POLE2: variants seen among roughly 807,000 people sequenced by gnomAD.
POLE2 encodes the protein DNA polymerase epsilon 2, accessory subunit, also known as DNA polymerase epsilon subunit 2.
A neutral mutation model predicts 79.4 loss-of-function variants in POLE2; 56 were observed. The observed-to-expected ratio is 0.71, with a 90% CI of 0.57 to 0.88. The LOEUF (loss-of-function observed/expected upper bound fraction) is 0.88, where lower values mean the gene tolerates loss of function less well. POLE2 is among the 40% of genes least tolerant of loss of function. The pLI is 0.00. For missense variants in POLE2, 598 were observed against 638.9 expected (o/e 0.94, Z 0.69); for synonymous variants, 212 against 214.0 (o/e 0.99, Z 0.08).
Position 49,647,360 on chromosome 14 carries a change from C to G in POLE2, c.1498G>C (p.Gly500Arg). Residue 500 changes from glycine (G) to arginine (R), a missense_variant and splice_region_variant, in exon 18 of 19, where the codon GGC (glycine) becomes CGC (arginine). Coordinates refer to ENST00000216367, the MANE Select transcript of POLE2 (RefSeq NM_002692.4). ...TNTECLCINP[G>R]SFPRSGFSFK... The stretch of plus-strand genomic sequence containing the variant: ...GAAAATCCACTTCTTGGAAAAGAGC[C>G]CTTTGGGGGAGAAAAATGCCTGTAA... The G allele has an allele frequency of 1.3e-6, 2 of 1,535,690 alleles. No individual in the cohort carries two copies. Among genetic ancestry groups the G allele is most frequent in the Non-Finnish European group, 8.8e-7 (1 of 1,135,190 alleles).
chr14:49,664,661 C>A lies in POLE2; in HGVS notation c.647G>T (p.Gly216Val), dbSNP rs920066811. ...GACAAAGCATGCCTCTGTGTATAAA[C>A]CACTATGGAACTGGTACACAACAGT... ...LDLSKAQFHS[G>V]LYTEACFVLA... The change falls in exon 9 of 19, where the codon GGT (glycine) becomes GTT (valine). Residue 216 changes from glycine to valine, a missense_variant. Transcript: ENST00000216367. The A allele has an allele frequency of 6.3e-7, 1 of 1,591,296 alleles. No individual in the cohort carries two copies. Among genetic ancestry groups the A allele is most frequent in the South Asian group, 1.1e-5 (1 of 90,576 alleles).
chr14:49,659,793 T>C (rs2139637397), intron 10 of POLE2, among the ~76,000 whole-genome samples: 1 of 152,234 alleles, frequency 6.6e-6, no homozygotes, highest in African/African-American at 2.4e-5. Context: ...TGTTATGTTG[T>C]CTAGACTGGT....
At chr14:49,647,465 AT>A (rs372091294) in intron 17 of POLE2, 105 bp from the exon 18 acceptor site, 4,463 of 341,980 alleles carry the variant, frequency 0.013, 71 homozygotes, top group African/African-American at 0.056. Context: ...TTATTTATTT[AT>A]TTTTTTTTTG....
At chr14:49,652,174 G>GGCTATTGT (rs1566531394) in intron 15 of POLE2, among the ~76,000 whole-genome samples, 1 of 14,790 alleles carries the variant, frequency 6.8e-5, no homozygotes, top group African/African-American at 3.0e-4. Context: ...ACGGAGAGGA[G>GGCTATTGT]AATGGCATGA....
chr14:49,684,326 A>G (rs1305589511), intron 1 of POLE2, among the ~76,000 whole-genome samples: 2 of 152,002 alleles, frequency 1.3e-5, no homozygotes, highest in Non-Finnish European at 2.9e-5. Flanking sequence ...TTAGCCGGGC[A>G]TGGTGGCGGG....
At chr14:49,646,485 G>T (rs1272031509) in intron 18 of POLE2, 1 of 151,660 alleles carries the variant, frequency 6.6e-6, no homozygotes, top group African/African-American at 2.4e-5. Flanking sequence ...ACCACACCCG[G>T]GTAATTTTTG....
chr14:49,672,167 A>C (rs1475135216), intron 5 of POLE2, among the ~76,000 whole-genome samples: 1 of 152,230 alleles, frequency 6.6e-6, no homozygotes, highest in African/African-American at 2.4e-5. Context: ...TCCAGCCCAG[A>C]TTATGACTAC....
intron 15 of POLE2, among the ~76,000 whole-genome samples, chr14:49,652,576 A>C (rs994485633): frequency 6.6e-6 from 1 of 152,178 alleles, no homozygotes; most frequent in Non-Finnish European, 1.5e-5. Context: ...CAGCAGGGGC[A>C]TTAGATTCTC....
intron 16 of POLE2, among the ~76,000 whole-genome samples, chr14:49,650,995 T>C (rs577946569): frequency 2.6e-5 from 4 of 152,220 alleles, no homozygotes; most frequent in Non-Finnish European, 4.4e-5. Flanking sequence ...TTTTCAAGTA[T>C]AATTTAAGAG....
In POLE2 at chr14:49,674,201, G is replaced by A. The variant is rs1886089004; in HGVS notation, c.339C>T (p.Asn113=). The A allele has an allele frequency of 6.2e-7, 1 of 1,611,252 alleles. No individual in the cohort carries two copies. The highest frequency in any genetic ancestry group is 1.1e-5 in the South Asian group (1 of 91,026). The change falls in exon 5 of 19, where the codon AAC becomes AAT. Residue 113 remains asparagine, a synonymous_variant. Transcript: ENST00000216367. ...TTCCAAATAAATTTGGTGCAGGGTG[G>A]TTGGTCATTAACAGACTAGAAAAAG... ...RKKFLPLLMT[N]HPAPNLFGTP...
chr14:49,658,182 T>C (rs1884841135), intron 10 of POLE2, among the ~76,000 whole-genome samples: 1 of 151,890 alleles, frequency 6.6e-6, no homozygotes, highest in African/African-American at 2.4e-5. Flanking sequence ...GTTCATGCCA[T>C]TCTCCTGCCC....
At chr14:49,677,653 T>C (rs182543430) in intron 3 of POLE2, 1 of 753,928 alleles carries the variant, frequency 1.3e-6, no homozygotes. Flanking sequence ...GTGTGATATA[T>C]GCCACAATGT....
chr14:49,685,925 C>G (rs746370432), intron 1 of POLE2, among the ~76,000 whole-genome samples: 6 of 152,178 alleles, frequency 3.9e-5, no homozygotes. Flanking sequence ...CTGCGCCCAG[C>G]CAAGTCCTGC....
chr14:49,659,275 T>A (rs1884930588), intron 10 of POLE2, among the ~76,000 whole-genome samples: 2 of 151,890 alleles, frequency 1.3e-5, no homozygotes, highest in Non-Finnish European at 1.5e-5. Context: ...TTTTTTTTTT[T>A]AATTAGCAGT....
chr14:49,669,302 C>A (rs563825018), intron 6 of POLE2, among the ~76,000 whole-genome samples: 1 of 152,170 alleles, frequency 6.6e-6, no homozygotes, highest in Non-Finnish European at 1.5e-5. Flanking sequence ...GGGCTAGCAT[C>A]GTATCAGGGC....
At position 49,646,301 on chromosome 14, in the gene POLE2, G is replaced by GTTTTTTTTTTTTTTTTTTTTTTTT; in HGVS notation, c.1565+991_1565+992insAAAAAAAAAAAAAAAAAAAAAAAA. 2.2e-5 allele frequency among the ~76,000 whole-genome samples: 2 copies of GTTTTTTTTTTTTTTTTTTTTTTTT among 90,756 alleles called. 1 individual carries two copies. Among genetic ancestry groups the GTTTTTTTTTTTTTTTTTTTTTTTT allele is most frequent in the Admixed American group, 2.2e-4 (2 of 8,940 alleles). 59.5% of individuals were successfully genotyped at this position (90,756 alleles called of 152,430 possible). ...TGATTTGGTCAGTTGTTTTTTTGTT[G>GTTTTTTTTTTTTTTTTTTTTTTTT]GTTTTTTTTTTTTTTTTTTTTTTTT... On this transcript the variant is annotated intron_variant, in intron 18 of 18. Coordinates refer to ENST00000216367, the MANE Select transcript of POLE2 (RefSeq NM_002692.4).
In POLE2 at chr14:49,667,032, C is replaced by CA. The variant is rs1040876964; in HGVS notation, c.493-620dup. Among the ~76,000 whole-genome samples the CA allele has an allele frequency of 1.1e-3, 169 of 151,860 alleles. 1 individual carries two copies. Among genetic ancestry groups the CA allele is most frequent in the African/African-American group, 3.9e-3 (162 of 41,440 alleles). On this transcript the variant is annotated intron_variant, in intron 6 of 18. Transcript: ENST00000216367. ...TGAAATCCTGTCTCTACTAAAAATA[C>CA]AAAAAATTAGCCAGGCATGGTGGCA...
intron 15 of POLE2, among the ~76,000 whole-genome samples, chr14:49,651,936 A>T (rs1214059533): frequency 6.6e-6 from 1 of 152,040 alleles, no homozygotes; most frequent in Admixed American, 6.6e-5. Context: ...TCCTTGAGGA[A>T]CAGAAGGGAG....
chr14:49,644,481 G>T (rs1883617831), intron 18 of POLE2, among the ~76,000 whole-genome samples: 1 of 149,806 alleles, frequency 6.7e-6, no homozygotes, highest in Non-Finnish European at 1.5e-5. Context: ...TTGCACTCCA[G>T]CCTGGGCAAC....
Sources: allele counts gnomAD v4.1 joint callset (sites outside exome capture counted in the v4.1 genomes callset), GRCh38; gene constraint gnomAD v4.1.1; transcripts MANE v1.5; gene names NCBI Gene and HGNC (gene_info 2026-07-23, HGNC 2026-07-21).